MCC: variants seen among roughly 807,000 people sequenced by gnomAD.
MCC encodes the protein MCC regulator of Wnt signaling pathway.
In MCC, 90 loss-of-function variants were observed where a neutral mutation model predicts 116.2. That is an observed-to-expected ratio of 0.77 (90% CI 0.65 to 0.92). The LOEUF is 0.92. Among genes scored for constraint, MCC ranks in the 40% least tolerant of loss-of-function variants. MCC has a pLI of 0.00. For missense variants in MCC, 1,516 were observed against 1,312.2 expected (o/e 1.16, Z -2.40); for synonymous variants, 578 against 510.5 (o/e 1.13, Z -1.78).
At chr5:113,464,958 C>T (rs945215080) in intron 1 of MCC, among the ~76,000 whole-genome samples, 30 of 152,002 alleles carry the variant, frequency 2.0e-4, no homozygotes, top group African/African-American at 7.2e-4. Context: ...GACATATAAT[C>T]CCTCTTAACA....
intron 5 of MCC, among the ~76,000 whole-genome samples, chr5:113,128,953 A>G (rs943383977): frequency 3.3e-5 from 5 of 152,310 alleles, no homozygotes; most frequent in Admixed American, 3.3e-4. Flanking sequence ...ACACACAGGT[A>G]ACTGTGTGCC....
At chr5:113,298,791 T>G (rs1766774376) in intron 3 of MCC, among the ~76,000 whole-genome samples, 1 of 152,168 alleles carries the variant, frequency 6.6e-6, no homozygotes, top group Non-Finnish European at 1.5e-5. Flanking sequence ...TAATAACTAA[T>G]ACTTATTTGA....
rs756782809 is a variant in MCC, at chr5:113,385,027, C to G, written c.356G>C (p.Cys119Ser). Reference protein sequence around the residue: ...VDLSAKSDNSCTKKLRDRIAS... With the variant: ...VDLSAKSDNSSTKKLRDRIAS... ...AATTCTATCCCTCAGCTTCTTTGTA[C>G]AGGAGTTGTCTGACTTTGCAGAAAG... Residue 119 changes from cysteine (C) to serine (S), a missense_variant, in exon 2 of 19, where the codon TGT becomes TCT. Transcript: ENST00000408903. 9.2e-5 allele frequency: 148 copies of G among 1,614,062 alleles called. No homozygotes were observed. Among genetic ancestry groups the G allele is most frequent in the Non-Finnish European group, 1.2e-4 (136 of 1,180,020 alleles).
At position 113,329,074 on chromosome 5, in the gene MCC, A is replaced by G. The variant is rs149199452; in HGVS notation, c.627+11445T>C. On this transcript the variant is annotated intron_variant, in intron 3 of 18. Coordinates refer to ENST00000408903, the MANE Select transcript of MCC (RefSeq NM_001085377.2). The stretch of plus-strand genomic sequence containing the variant: ...TTTTTCATGCCAGGCAACCTCTGTA[A>G]TCCTCAAATTTCTCACGGGTAAATG... Among the ~76,000 whole-genome samples the G allele has an allele frequency of 6.2e-3, 947 of 152,286 alleles. 8 individuals are homozygous for G. Among genetic ancestry groups the G allele is most frequent in the South Asian group, 0.015 (72 of 4,826 alleles).
chr5:113,182,673 T>A (rs967373221), intron 3 of MCC, among the ~76,000 whole-genome samples: 1 of 152,236 alleles, frequency 6.6e-6, no homozygotes, highest in Non-Finnish European at 1.5e-5. Context: ...TGATACTTCC[T>A]TTCACATACA....
At chr5:113,196,501 T>C (rs1321789178) in intron 3 of MCC, among the ~76,000 whole-genome samples, 4 of 152,140 alleles carry the variant, frequency 2.6e-5, no homozygotes, top group African/African-American at 9.7e-5. Context: ...AATCCAGAAA[T>C]AGGGATTTTT....
At chr5:113,258,460 C>T (rs1015987840) in intron 3 of MCC, among the ~76,000 whole-genome samples, 1 of 152,250 alleles carries the variant, frequency 6.6e-6, no homozygotes, top group African/African-American at 2.4e-5. Context: ...CTGGGCTCCG[C>T]CTCCTGTCAG....
intron 3 of MCC, among the ~76,000 whole-genome samples, chr5:113,226,383 T>A (rs1056902355): frequency 1.3e-5 from 2 of 152,198 alleles, no homozygotes; most frequent in Admixed American, 1.3e-4. Context: ...TGCTCAGATT[T>A]TAGTTTGCAG....
intron 13 of MCC, 23 bp from the exon 14 acceptor site, chr5:113,064,190 G>C (rs1357959709): frequency 6.3e-7 from 1 of 1,594,706 alleles, no homozygotes; most frequent in Non-Finnish European, 8.6e-7. Context: ...GAAGCCAACG[G>C]ATTAATCAAC....
At chr5:113,104,532 C>G (rs1307376346) in intron 6 of MCC, 177 bp from the exon 7 acceptor site, 9 of 463,070 alleles carry the variant, frequency 1.9e-5, no homozygotes, top group Non-Finnish European at 3.0e-5. Context: ...CAATGCAAAG[C>G]TCTTTTTATT....
At chr5:113,340,369 A>G in intron 3 of MCC, 150 bp downstream of exon 3, 1 of 726,068 alleles carries the variant, frequency 1.4e-6, no homozygotes, top group Non-Finnish European at 2.3e-6. Flanking sequence ...TTGGAACACT[A>G]AACATTACTG....
chr5:113,429,116 T>G (rs999541765), intron 1 of MCC, among the ~76,000 whole-genome samples: 2 of 152,206 alleles, frequency 1.3e-5, no homozygotes, highest in African/African-American at 4.8e-5. Flanking sequence ...TGTTGTATAG[T>G]GAATTGTGTT....
chr5:113,225,711 G>A (rs1364702539), intron 3 of MCC, among the ~76,000 whole-genome samples: 1 of 152,192 alleles, frequency 6.6e-6, no homozygotes, highest in Non-Finnish European at 1.5e-5. Flanking sequence ...TCACTGACAT[G>A]TGCTGTATAG....
intron 1 of MCC, among the ~76,000 whole-genome samples, chr5:113,480,630 A>AG (rs1772355062): frequency 6.6e-6 from 1 of 152,232 alleles, no homozygotes; most frequent in Non-Finnish European, 1.5e-5. Flanking sequence ...ACTTGCAGAA[A>AG]GGGTGTAGGC....
intron 2 of MCC, among the ~76,000 whole-genome samples, chr5:113,359,185 A>G (rs1051897664): frequency 5.3e-5 from 8 of 152,220 alleles, no homozygotes; most frequent in Non-Finnish European, 7.3e-5. Flanking sequence ...TCTAGGGCCA[A>G]TGCACGGAAT....
chr5:113,465,801 T>C (rs144826396), intron 1 of MCC, among the ~76,000 whole-genome samples: 1 of 152,196 alleles, frequency 6.6e-6, no homozygotes, highest in Admixed American at 6.5e-5. Context: ...TTAAATAATG[T>C]TATACCATAT....
At chr5:113,266,262 C>A (rs920751210) in intron 3 of MCC, among the ~76,000 whole-genome samples, 5 of 151,884 alleles carry the variant, frequency 3.3e-5, no homozygotes, top group African/African-American at 1.2e-4. Context: ...CACACACACA[C>A]AAAACCATTA....
intron 2 of MCC, among the ~76,000 whole-genome samples, chr5:113,374,212 T>G (rs869237441): frequency 2.1e-4 from 25 of 118,246 alleles, no homozygotes; most frequent in Admixed American, 1.3e-3. Context: ...ACTTTTTTTT[T>G]TTTTGTTTTT....
At chr5:113,187,612 G>A (rs186791533) in intron 3 of MCC, among the ~76,000 whole-genome samples, 2,587 of 152,006 alleles carry the variant, frequency 0.017, 37 homozygotes, top group Middle Eastern at 0.027. Context: ...AAAATTAGCC[G>A]GGCGTGGTGG....
Sources: gnomAD v4.1 joint callset for allele counts (sites outside exome capture counted in the v4.1 genomes callset) on GRCh38, gnomAD v4.1.1 for gene constraint, MANE v1.5 for transcripts, NCBI Gene and HGNC (gene_info 2026-07-23, HGNC 2026-07-21) for gene names.